The following ANKHD1 variants were observed in gnomAD, a reference collection of about 807,000 sequenced individuals.
ANKHD1 encodes ankyrin repeat and KH domain containing 1, also known as ankyrin repeat and KH domain-containing protein 1.
ANKHD1 carries 31 observed loss-of-function variants against 230.5 expected under a neutral mutation model. The ratio of observed to expected loss-of-function variants is 0.13; its 90% CI spans 0.10 to 0.18. The LOEUF is 0.18. ANKHD1 is among the 10% of genes least tolerant of loss of function. ANKHD1 has a pLI of 1.00. For synonymous variants in ANKHD1, 1,074 were observed against 1,117.6 expected (o/e 0.96, Z 0.78); for missense variants, 2,256 against 3,071.3 (o/e 0.73, Z 6.27).
chr5:140,430,861 C>G (rs1369242825), intron 1 of ANKHD1, among the ~76,000 whole-genome samples: 3 of 151,980 alleles, frequency 2.0e-5, no homozygotes, highest in Admixed American at 1.3e-4. Context: ...GACAAGGTCT[C>G]ACTATGTTGC....
intron 7 of ANKHD1, among the ~76,000 whole-genome samples, chr5:140,454,669 A>G (rs1184940866): frequency 6.6e-6 from 1 of 152,220 alleles, no homozygotes; most frequent in Admixed American, 6.5e-5. Context: ...ACCAACAAGA[A>G]CAAAGACACA....
chr5:140,432,050 C>T (rs943162141), intron 1 of ANKHD1, among the ~76,000 whole-genome samples: 3 of 152,110 alleles, frequency 2.0e-5, no homozygotes, highest in African/African-American at 7.2e-5. Context: ...AGCCTAATGC[C>T]ATAGTTGTAT....
intron 10 of ANKHD1, among the ~76,000 whole-genome samples, chr5:140,471,995 A>G (rs1279667391): frequency 6.6e-6 from 1 of 152,154 alleles, no homozygotes; most frequent in Non-Finnish European, 1.5e-5. Context: ...TTCTGCAGAA[A>G]TATTTCTACA....
chr5:140,459,078 CAG>C, intron 8 of ANKHD1, 84 bp from the exon 9 acceptor site: 1 of 1,224,744 alleles, frequency 8.2e-7, no homozygotes, highest in Middle Eastern at 3.1e-4. Context: ...GCAGAGAAGA[CAG>C]AGATGATTAT....
At chr5:140,538,843 CTGG>C in intron 32 of ANKHD1, 73 bp from the exon 33 acceptor site, 1 of 1,325,572 alleles carries the variant, frequency 7.5e-7, no homozygotes, top group Non-Finnish European at 9.7e-7. Context: ...GAAGTCTAAG[CTGG>C]TATTATGGGA....
intron 9 of ANKHD1, among the ~76,000 whole-genome samples, chr5:140,462,569 C>A (rs1008205300): frequency 6.6e-6 from 1 of 150,930 alleles, no homozygotes; most frequent in Admixed American, 6.6e-5. Context: ...CTAAAAAATA[C>A]AAAAAATTAG....
intron 5 of ANKHD1, among the ~76,000 whole-genome samples, chr5:140,441,517 C>A (rs562805015): frequency 8.8e-4 from 134 of 151,862 alleles, no homozygotes; most frequent in Non-Finnish European, 1.7e-3. Context: ...CCCCCACAGT[C>A]TTATGGACAT....
chr5:140,412,709 AATT>A (rs1208640911), intron 1 of ANKHD1, among the ~76,000 whole-genome samples: 2 of 152,212 alleles, frequency 1.3e-5, no homozygotes, highest in African/African-American at 4.8e-5. Context: ...GTTATATTCC[AATT>A]ATTTTGTAAA....
intron 29 of ANKHD1, among the ~76,000 whole-genome samples, chr5:140,530,004 T>TA (rs1019932982): frequency 2.3e-4 from 35 of 151,474 alleles, no homozygotes; most frequent in Non-Finnish European, 2.8e-4. Flanking sequence ...TTCATATTAA[T>TA]AAAAAAAACT....
chr5:140,408,357 T>C (rs1327520507), intron 1 of ANKHD1, among the ~76,000 whole-genome samples: 1 of 152,168 alleles, frequency 6.6e-6, no homozygotes, highest in African/African-American at 2.4e-5. Context: ...TTTCTAGGCC[T>C]ATCTTTCTAT....
intron 1 of ANKHD1, among the ~76,000 whole-genome samples, chr5:140,406,219 CAGAG>C (rs572045536): frequency 1.1e-4 from 16 of 146,394 alleles, no homozygotes; most frequent in African/African-American, 3.8e-4. Context: ...GGCAGGGTGA[CAGAG>C]AGAGACTCTG....
intron 1 of ANKHD1, among the ~76,000 whole-genome samples, chr5:140,402,875 C>T (rs767574810): frequency 6.6e-6 from 1 of 151,744 alleles, no homozygotes; most frequent in Non-Finnish European, 1.5e-5. Context: ...AAGGAAGTTC[C>T]AGGGCATCCC....
chr5:140,526,400 CAAG>C lies in ANKHD1; in HGVS notation c.4903_4905del (p.Glu1635del). ...ATACCCCTCACTGCTCCTTCATTCC[CAAG>C]AAGAAAAGACAAGTACTGCTACTTC... On this transcript the variant is annotated inframe_deletion, in exon 26 of 34. Transcript: ENST00000360839. 1 of 1,613,364 alleles carries C rather than the reference CAAG, an allele frequency of 6.2e-7. No individual in the cohort carries two copies. The highest frequency in any genetic ancestry group is 8.5e-7 in the Non-Finnish European group (1 of 1,179,800).
chr5:140,411,775 C>T (rs977070405), intron 1 of ANKHD1, among the ~76,000 whole-genome samples: 1 of 151,808 alleles, frequency 6.6e-6, no homozygotes, highest in African/African-American at 2.4e-5. Flanking sequence ...CTGCCCACCT[C>T]AGCCTCCCAA....
chr5:140,535,261 T>C, intron 29 of ANKHD1, 101 bp from the exon 30 acceptor site: 1 of 1,468,460 alleles, frequency 6.8e-7, no homozygotes, highest in Non-Finnish European at 9.1e-7. Flanking sequence ...ATTTATTTGT[T>C]TGGTTATTTT....
At chr5:140,443,331 A>T (rs1029561669) in intron 5 of ANKHD1, among the ~76,000 whole-genome samples, 2 of 152,188 alleles carry the variant, frequency 1.3e-5, no homozygotes, top group African/African-American at 4.8e-5. Flanking sequence ...TTAAATTAAG[A>T]TGATAAAATC....
chr5:140,466,392 CAAAA>C (rs5871737), intron 10 of ANKHD1, among the ~76,000 whole-genome samples: 1 of 131,890 alleles, frequency 7.6e-6, no homozygotes, highest in Non-Finnish European at 1.6e-5. Context: ...AACGCCATCT[CAAAA>C]AAAAAAAAAA....
At chr5:140,518,730 T>G (rs1211518408) in intron 24 of ANKHD1, among the ~76,000 whole-genome samples, 6 of 152,072 alleles carry the variant, frequency 3.9e-5, no homozygotes, top group African/African-American at 1.4e-4. Context: ...TTTGACAAAA[T>G]TCAACAACCC....
rs1418041326 is a variant in ANKHD1 at position 140,506,050 on chromosome 5, A to C, written c.3408+181A>C. Among the ~76,000 whole-genome samples the C allele has an allele frequency of 6.6e-6, 1 of 152,152 alleles. No individual in the cohort carries two copies. Among genetic ancestry groups the C allele is most frequent in the African/African-American group, 2.4e-5 (1 of 41,438 alleles). ...AGTGGTGCAATTACAGCTCGCTATA[A>C]CCTTGAACTCTGGGGCTCAAGCAAT... On this transcript the variant is annotated intron_variant, in intron 18 of 33. Transcript: ENST00000360839. The surrounding 1 kb of genome is among the most constrained non-coding windows in gnomAD (Gnocchi z 4.7).
Sources: gnomAD v4.1 joint callset for allele counts (sites outside exome capture counted in the v4.1 genomes callset) on GRCh38, gnomAD v4.1.1 for gene constraint, Gnocchi (gnomAD v3.1) non-coding constraint, MANE v1.5 for transcripts, NCBI Gene and HGNC (gene_info 2026-07-23, HGNC 2026-07-21) for gene names.